The following FMN1 variants were observed in gnomAD, a reference collection of about 807,000 sequenced individuals.
FMN1 encodes formin-1.
Under a neutral mutation model 132.4 loss-of-function variants are expected in FMN1, and 110 were observed. That is an observed-to-expected ratio of 0.83 (90% confidence interval 0.71 to 0.97). The LOEUF is 0.97. Among genes scored for constraint, FMN1 ranks in the 50% least tolerant of loss-of-function variants. The probability of loss-of-function intolerance (pLI) is 0.00; values close to 1 mark genes in which losing one functional copy is unlikely to be tolerated. For synonymous variants in FMN1, 722 were observed against 651.7 expected (o/e 1.11, Z -1.64); for missense variants, 1,792 against 1,705.3 (o/e 1.05, Z -0.90).
chr15:32,822,660 T>A (rs1232842595), intron 17 of FMN1, among the ~76,000 whole-genome samples: 1 of 152,222 alleles, frequency 6.6e-6, no homozygotes, highest in Admixed American at 6.5e-5. Context: ...CTGTTGGCTC[T>A]TTCAATAAGA....
chr15:32,876,399 T>G (rs1212980491), intron 16 of FMN1, among the ~76,000 whole-genome samples: 1 of 152,184 alleles, frequency 6.6e-6, no homozygotes, highest in African/African-American at 2.4e-5. Context: ...TAGTCAGGAT[T>G]AGGTCCTGGA....
At chr15:33,108,258 CTCAA>C (rs1034891047) in intron 4 of FMN1, among the ~76,000 whole-genome samples, 1 of 152,080 alleles carries the variant, frequency 6.6e-6, no homozygotes, top group Middle Eastern at 3.4e-3. Flanking sequence ...AGATATGAAA[CTCAA>C]TCAGACAACT....
intron 15 of FMN1, among the ~76,000 whole-genome samples, chr15:32,891,390 G>A (rs562973760): frequency 6.6e-6 from 1 of 152,278 alleles, no homozygotes; most frequent in East Asian, 1.9e-4. Flanking sequence ...TGGGACCACA[G>A]GCACCCGCCA....
At chr15:32,983,763 A>C (rs2032867256) in intron 7 of FMN1, among the ~76,000 whole-genome samples, 1 of 152,182 alleles carries the variant, frequency 6.6e-6, no homozygotes, top group South Asian at 2.1e-4. Context: ...AAGTGTTCAA[A>C]TTTCTTGAGG....
Position 32,964,104 on chromosome 15 carries a change from T to TAC in FMN1, c.3138+1_3138+2dup, listed in dbSNP as rs1407637799. 56 of 1,608,674 alleles carry TAC rather than the reference T, an allele frequency of 3.5e-5. No individual in the cohort carries two copies. The Admixed American group carries it at 4.5e-4, about 13-fold the overall frequency. ...TTACAGCTTTGCCATAATCACTCAG[T>TAC]ACCTTTTTGACCTTGTTTTTCTTCT... On this transcript the variant is annotated splice_region_variant and intron_variant, in intron 9 of 20. Coordinates refer to ENST00000616417, the MANE Select transcript of FMN1 (RefSeq NM_001277313.2).
chr15:32,769,734 A>G lies in FMN1; in HGVS notation c.*4576T>C, dbSNP rs758008717. ...AAATCCCATCAGCTTGGCCACACAG[A>G]CTGGTTTCATCTGTGTTGCAGATTT... On this transcript the variant is annotated 3_prime_UTR_variant, in exon 21 of 21. Transcript: ENST00000616417. 6.6e-6 allele frequency: 1 copy of G among 152,194 alleles called. No individual in the cohort carries two copies. The highest frequency in any genetic ancestry group is 3.2e-3 in the Middle Eastern group (1 of 316). 9.4% of individuals were successfully genotyped at this position (152,194 alleles called of 1,614,324 possible).
In FMN1 at chr15:33,173,917, C is replaced by G. The variant is rs548086892; in HGVS notation, c.-132+6281G>C. 1.2e-3 allele frequency among the ~76,000 whole-genome samples: 185 copies of G among 151,722 alleles called. 1 individual carries two copies. The highest frequency in any genetic ancestry group is 4.1e-3 in the African/African-American group (171 of 41,240). On this transcript the variant is annotated intron_variant, in intron 3 of 20. Coordinates refer to ENST00000616417, the MANE Select transcript of FMN1 (RefSeq NM_001277313.2). ...GCACTCCAGCCTGGGCAGCAAGCCT[C>G]TGTCTCAAATAAAAAATTAAAAAAG...
intron 9 of FMN1, among the ~76,000 whole-genome samples, chr15:32,939,099 G>A (rs1216164559): frequency 1.3e-5 from 2 of 152,168 alleles, no homozygotes; most frequent in Admixed American, 1.3e-4. Flanking sequence ...TGTGCACTGG[G>A]GGCAGTGAGT....
intron 7 of FMN1, among the ~76,000 whole-genome samples, chr15:32,997,429 T>C (rs1176301945): frequency 1.3e-5 from 2 of 151,494 alleles, no homozygotes; most frequent in African/African-American, 4.9e-5. Context: ...ACTTAAAAAA[T>C]CATTATACTA....
intron 3 of FMN1, among the ~76,000 whole-genome samples, chr15:33,179,540 G>A (rs1226479403): frequency 5.3e-5 from 8 of 152,172 alleles, no homozygotes; most frequent in Admixed American, 2.0e-4. Context: ...TACGGCCACC[G>A]TCACTGTTGA....
At chr15:32,789,085 A>G (rs1475050960) in intron 19 of FMN1, among the ~76,000 whole-genome samples, 1 of 152,214 alleles carries the variant, frequency 6.6e-6, no homozygotes, top group African/African-American at 2.4e-5. Context: ...AAAAGGAAAC[A>G]CAATGATTAT....
chr15:32,786,968 A>G (rs967523101), intron 19 of FMN1, among the ~76,000 whole-genome samples: 4 of 152,220 alleles, frequency 2.6e-5, no homozygotes, highest in African/African-American at 7.2e-5. Flanking sequence ...CTAATGTCCA[A>G]CTTTGATTCT....
intron 5 of FMN1, 84 bp downstream of exon 5, chr15:33,088,715 T>A: frequency 3.3e-6 from 4 of 1,195,148 alleles, no homozygotes; most frequent in Non-Finnish European, 4.5e-6. Context: ...CAGCTTTATA[T>A]ACACAATTTA....
At chr15:33,167,681 T>A (rs2140313607) in intron 3 of FMN1, among the ~76,000 whole-genome samples, 1 of 152,344 alleles carries the variant, frequency 6.6e-6, no homozygotes, top group East Asian at 1.9e-4. Flanking sequence ...ACTGATAACA[T>A]AAACAGTTGA....
At chr15:33,118,938 C>T (rs1342052411) in intron 4 of FMN1, among the ~76,000 whole-genome samples, 1 of 150,624 alleles carries the variant, frequency 6.6e-6, no homozygotes, top group African/African-American at 2.4e-5. Flanking sequence ...AAATTAGACA[C>T]ATAAATTCTT....
intron 3 of FMN1, among the ~76,000 whole-genome samples, chr15:33,176,330 A>G (rs941163051): frequency 6.6e-6 from 1 of 151,810 alleles, no homozygotes; most frequent in Non-Finnish European, 1.5e-5. Flanking sequence ...AGATAGTAAA[A>G]CCCTGTCTCT....
rs1304625395 is a variant in FMN1 at position 32,848,999 on chromosome 15, T to TTTTTC, written c.3928+8015_3928+8016insGAAAA. The stretch of plus-strand genomic sequence containing the variant: ...TTTGTTTTTTTTTTTTTTTTTTTTT[T>TTTTTC]CAGAGACAGAGTCTCACTCTGTCAC... On this transcript the variant is annotated intron_variant, in intron 17 of 20. Coordinates refer to ENST00000616417, the MANE Select transcript of FMN1 (RefSeq NM_001277313.2). Among the ~76,000 whole-genome samples the TTTTTC allele has an allele frequency of 1.9e-3, 279 of 145,026 alleles. 8 individuals carry two copies. The highest frequency in any genetic ancestry group is 7.0e-3 in the African/African-American group (265 of 37,856).
rs374235891 is a variant in FMN1 at position 32,776,901 on chromosome 15, T to C, written c.4149A>G (p.Glu1383=). ...TCTCTGAAGTCAACTTGCTGACTGA[T>C]TCCTGAGCCATTTTCAATCTGAAAT... ...ISKERLKMAQ[E]SVSKLTSEKK... is the part of the protein sequence containing the mutation. Residue 1383 remains glutamate (E), a synonymous_variant, in exon 20 of 21, where the codon GAA becomes GAG. Coordinates refer to ENST00000616417, the MANE Select transcript of FMN1 (RefSeq NM_001277313.2). 1.3e-6 allele frequency: 2 copies of C among 1,590,622 alleles called. No homozygotes were observed. The highest frequency in any genetic ancestry group is 8.6e-7 in the Non-Finnish European group (1 of 1,165,458).
intron 5 of FMN1, chr15:33,067,885 G>T: frequency 6.2e-7 from 1 of 1,605,232 alleles, no homozygotes; most frequent in African/African-American, 1.3e-5. Context: ...CGTTCTCCAT[G>T]TCTCAGTAAT....
Sources: gnomAD v4.1 joint callset for allele counts (sites outside exome capture counted in the v4.1 genomes callset) on GRCh38, gnomAD v4.1.1 for gene constraint, MANE v1.5 for transcripts, NCBI Gene and HGNC (gene_info 2026-07-23, HGNC 2026-07-21) for gene names.